The following PLD5 variants were observed in gnomAD, a reference collection of about 807,000 sequenced individuals.
The protein encoded by PLD5 is phospholipase D family member 5, also known as inactive phospholipase D5.
PLD5 carries 36 observed loss-of-function variants against 61.1 expected under a neutral mutation model. The ratio of observed to expected loss-of-function variants is 0.59; its 90% CI spans 0.45 to 0.78. PLD5 has a LOEUF of 0.78. Among genes scored for constraint, PLD5 ranks in the 30% least tolerant of loss-of-function variants. The probability of loss-of-function intolerance (pLI) is 0.00; values close to 1 mark genes in which losing one functional copy is unlikely to be tolerated. For synonymous variants in PLD5, 243 were observed against 242.8 expected (o/e 1.00, Z -0.01); for missense variants, 515 against 644.4 (o/e 0.80, Z 2.17).
intron 2 of PLD5, among the ~76,000 whole-genome samples, chr1:242,325,097 G>A (rs1209764416): frequency 1.3e-5 from 2 of 152,120 alleles, no homozygotes; most frequent in African/African-American, 4.8e-5. Flanking sequence ...TATCTGGGTA[G>A]GAGGCGAGAA....
At chr1:242,292,309 A>G (rs1675415901) in intron 2 of PLD5, among the ~76,000 whole-genome samples, 1 of 152,202 alleles carries the variant, frequency 6.6e-6, no homozygotes. Flanking sequence ...CCAAAACACA[A>G]CAGCTGCCAC....
upstream of PLD5, among the ~76,000 whole-genome samples, chr1:242,526,016 C>T (rs1466892046): frequency 1.3e-5 from 2 of 152,158 alleles, no homozygotes; most frequent in Non-Finnish European, 2.9e-5. Context: ...TCATGTTATC[C>T]TGCAAGATAA....
chr1:242,182,939 A>G (rs908947281), intron 5 of PLD5, among the ~76,000 whole-genome samples: 2 of 152,342 alleles, frequency 1.3e-5, no homozygotes, highest in African/African-American at 4.8e-5. Context: ...ATGTTACTGT[A>G]ACTTAGGTAA....
intron 1 of PLD5, chr1:242,377,060 G>A: frequency 6.2e-7 from 1 of 1,611,726 alleles, no homozygotes; most frequent in Non-Finnish European, 8.5e-7. Flanking sequence ...TGCCATCAGG[G>A]GAGTCATCCT....
chr1:242,149,579 A>G (rs942621416), intron 5 of PLD5, among the ~76,000 whole-genome samples: 2 of 151,396 alleles, frequency 1.3e-5, no homozygotes, highest in South Asian at 2.1e-4. Flanking sequence ...TTTAGAATTC[A>G]TCAGTGAAAC....
intron 4 of PLD5, among the ~76,000 whole-genome samples, chr1:242,241,906 T>TAC (rs1257385552): frequency 1.6e-4 from 7 of 44,914 alleles, no homozygotes; most frequent in Non-Finnish European, 2.6e-4. Flanking sequence ...TATATATATA[T>TAC]ATATACTTAC....
rs145251632 is a variant in PLD5, at chr1:242,489,755, C to A, written c.189+34333G>T. ...CAGTTTAGCCAGAAAGTATTCAGGG[C>A]AGTTGGTATTTGTGTTGGCTCTTAC... is the stretch of plus-strand genomic sequence containing the variant. On this transcript the variant is annotated intron_variant, in intron 1 of 9. Coordinates refer to ENST00000536534, the MANE Select transcript of PLD5 (RefSeq NM_001372062.1). Among the ~76,000 whole-genome samples, 179 of 152,270 alleles carry A rather than the reference C, an allele frequency of 1.2e-3. 1 individual carries two copies. The highest frequency in any genetic ancestry group is 6.8e-3 in the Middle Eastern group (2 of 294).
At chr1:242,236,487 A>G (rs1418605183) in intron 4 of PLD5, among the ~76,000 whole-genome samples, 4 of 152,186 alleles carry the variant, frequency 2.6e-5, no homozygotes, top group Non-Finnish European at 4.4e-5. Flanking sequence ...AGTCAAGAAT[A>G]TAAGCAATTT....
intron 1 of PLD5, among the ~76,000 whole-genome samples, chr1:242,426,064 T>C (rs1206350671): frequency 1.3e-5 from 2 of 152,186 alleles, no homozygotes; most frequent in Admixed American, 6.5e-5. Context: ...TCCTTCTTTG[T>C]ATCCTATTCT....
At chr1:242,524,839 G>C (rs929972277), upstream of PLD5, 2 of 151,512 alleles carry the variant, frequency 1.3e-5, no homozygotes, top group Non-Finnish European at 2.9e-5. Flanking sequence ...GCCCAGGCCC[G>C]GGCGGCCGCG....
At chr1:242,261,787 A>C (rs1365032977) in intron 4 of PLD5, among the ~76,000 whole-genome samples, 2 of 152,176 alleles carry the variant, frequency 1.3e-5, no homozygotes, top group Non-Finnish European at 1.5e-5. Flanking sequence ...ATACAACATG[A>C]TACGTATCCA....
At chr1:242,261,514 A>C (rs1382102434) in intron 4 of PLD5, among the ~76,000 whole-genome samples, 1 of 152,208 alleles carries the variant, frequency 6.6e-6, no homozygotes, top group East Asian at 1.9e-4. Context: ...ATTTCATTAA[A>C]ACTAAGAATT....
chr1:242,116,746 A>C (rs565007142), intron 6 of PLD5, among the ~76,000 whole-genome samples: 7 of 152,140 alleles, frequency 4.6e-5, no homozygotes, highest in Admixed American at 6.6e-5. Context: ...ACATGATTTT[A>C]TTCTCGTTTA....
intron 4 of PLD5, among the ~76,000 whole-genome samples, chr1:242,242,608 G>A (rs1449244629): frequency 2.6e-5 from 4 of 152,114 alleles, no homozygotes. Flanking sequence ...ATCACGGATC[G>A]TAGACACATA....
Position 242,478,190 on chromosome 1 carries a change from G to A in PLD5, c.189+45898C>T, listed in dbSNP as rs376526406. Among the ~76,000 whole-genome samples the A allele has an allele frequency of 3.7e-4, 57 of 152,290 alleles. No individual in the cohort carries two copies. The Middle Eastern group carries it at 0.017, about 45-fold the overall frequency. On this transcript the variant is annotated intron_variant, in intron 1 of 9. Coordinates refer to ENST00000536534, the MANE Select transcript of PLD5 (RefSeq NM_001372062.1). ...GGTCTGGAGATATTCAAGGCTAGCC[G>A]GAGTCTTTCCACTAATCACCATCAA...
At chr1:242,116,956 G>T (rs536288354) in intron 6 of PLD5, among the ~76,000 whole-genome samples, 1 of 152,216 alleles carries the variant, frequency 6.6e-6, no homozygotes, top group Non-Finnish European at 1.5e-5. Flanking sequence ...GCCTCTGCAG[G>T]GTTTCCTGGG....
intron 2 of PLD5, among the ~76,000 whole-genome samples, chr1:242,297,726 G>A (rs1434340834): frequency 2.1e-5 from 3 of 143,104 alleles, no homozygotes; most frequent in East Asian, 2.1e-4. Flanking sequence ...TGCAAGCTCC[G>A]CCTCCCGGGT....
chr1:242,170,703 A>C (rs928824335), intron 5 of PLD5, among the ~76,000 whole-genome samples: 2 of 152,236 alleles, frequency 1.3e-5, no homozygotes, highest in Admixed American at 6.5e-5. Flanking sequence ...AGTTTAGAGA[A>C]GAATGTAAAT....
At chr1:242,177,462 G>A (rs929205841) in intron 5 of PLD5, among the ~76,000 whole-genome samples, 1 of 152,154 alleles carries the variant, frequency 6.6e-6, no homozygotes, top group Admixed American at 6.5e-5. Context: ...AATACCTAAT[G>A]TAGGTGACGG....
Sources: gnomAD v4.1 joint callset for allele counts (sites outside exome capture counted in the v4.1 genomes callset) on GRCh38, gnomAD v4.1.1 for gene constraint, MANE v1.5 for transcripts, NCBI Gene and HGNC (gene_info 2026-07-23, HGNC 2026-07-21) for gene names.